Variants in CSMD1 observed in about 807,000 individuals in gnomAD.
The protein encoded by CSMD1 is CUB and Sushi multiple domains 1.
CSMD1 carries 213 observed loss-of-function variants against 417.5 expected under a neutral mutation model. The observed-to-expected ratio is 0.51, with a 90% confidence interval of 0.46 to 0.57. CSMD1 has a LOEUF of 0.57. Among genes scored for constraint, CSMD1 ranks in the 20% least tolerant of loss-of-function variants. The pLI is 0.00. For synonymous variants in CSMD1, 2,862 were observed against 1,736.8 expected, an observed-to-expected ratio of 1.65 and a Z score of -16.11; for missense variants, 6,923 against 4,529.7, an observed-to-expected ratio of 1.53 and a Z score of -15.17.
intron 10 of CSMD1, among the ~76,000 whole-genome samples, chr8:3,566,090 A>G (rs13260039): frequency 0.4 from 60,374 of 151,902 alleles, 12,269 homozygotes; most frequent in Middle Eastern, 0.48. Flanking sequence ...TTTAAAATAA[A>G]CAGAAAGGGA....
chr8:3,979,151 A>C (rs932549522), intron 5 of CSMD1, among the ~76,000 whole-genome samples: 1 of 152,220 alleles, frequency 6.6e-6, no homozygotes, highest in African/African-American at 2.4e-5. Flanking sequence ...GGCCCTGATC[A>C]CATTTTACAA....
At chr8:4,264,122 G>C (rs750803762) in intron 3 of CSMD1, among the ~76,000 whole-genome samples, 3 of 152,136 alleles carry the variant, frequency 2.0e-5, no homozygotes, top group Non-Finnish European at 4.4e-5. Flanking sequence ...AGTGACATTT[G>C]TAGGTAAAGA....
chr8:4,983,939 T>C (rs1314214164), intron 1 of CSMD1, among the ~76,000 whole-genome samples: 1 of 152,116 alleles, frequency 6.6e-6, no homozygotes, highest in Non-Finnish European at 1.5e-5. Context: ...AACTCCTCAA[T>C]GGCGAGAAAA....
chr8:4,994,763 G>A lies in CSMD1; in HGVS notation c.-347C>T, dbSNP rs1488574826. On this transcript the variant is annotated 5_prime_UTR_variant, in exon 1 of 70. Coordinates refer to ENST00000635120, the MANE Select transcript of CSMD1 (RefSeq NM_033225.6). ...GGGAGAGGAGCGCGCGCAGCCAGGAGAGACCTGGAGAGGAGGCAGCTGGAG... is the reference window on the plus strand; with the variant it reads ...GGGAGAGGAGCGCGCGCAGCCAGGAAAGACCTGGAGAGGAGGCAGCTGGAG... 1.6e-5 allele frequency: 4 copies of A among 257,312 alleles called. No individual in the cohort carries two copies. The highest frequency in any genetic ancestry group is 3.0e-5 in the Non-Finnish European group (4 of 135,428). The allele number at this position is 257,312 out of a possible 1,614,324, so 15.9% of individuals were successfully genotyped here. A position where few individuals can be genotyped will look rare whatever the true frequency, so the allele number is the denominator to read the frequency against.
chr8:4,178,190 T>A (rs574720665), intron 3 of CSMD1, among the ~76,000 whole-genome samples: 1 of 152,200 alleles, frequency 6.6e-6, no homozygotes, highest in Non-Finnish European at 1.5e-5. Flanking sequence ...AATACGATAC[T>A]GGCAGACCGA....
chr8:3,912,519 C>T (rs1808529699), intron 5 of CSMD1, among the ~76,000 whole-genome samples: 1 of 152,128 alleles, frequency 6.6e-6, no homozygotes, highest in Non-Finnish European at 1.5e-5. Context: ...AATGGAAATA[C>T]ATAACAGAGG....
At chr8:4,025,535 C>G (rs1797016070) in intron 4 of CSMD1, among the ~76,000 whole-genome samples, 1 of 152,188 alleles carries the variant, frequency 6.6e-6, no homozygotes, top group Non-Finnish European at 1.5e-5. Flanking sequence ...GCTGCTTCTT[C>G]TCTTTTTTCA....
intron 10 of CSMD1, among the ~76,000 whole-genome samples, chr8:3,506,098 A>C (rs1166375784): frequency 2.6e-5 from 4 of 152,278 alleles, no homozygotes; most frequent in African/African-American, 9.6e-5. Flanking sequence ...TCTCATAAGG[A>C]GGTGTCTCAT....
At chr8:4,589,363 A>G (rs1229119724) in intron 2 of CSMD1, among the ~76,000 whole-genome samples, 1 of 152,222 alleles carries the variant, frequency 6.6e-6, no homozygotes, top group Non-Finnish European at 1.5e-5. Flanking sequence ...TAACCATAAT[A>G]TCTCACTCTT....
At chr8:4,446,714 G>C (rs1798811694) in intron 2 of CSMD1, among the ~76,000 whole-genome samples, 1 of 145,008 alleles carries the variant, frequency 6.9e-6, no homozygotes, top group African/African-American at 2.8e-5. Flanking sequence ...CACCATGCCT[G>C]AGTTGTGTGT....
At chr8:3,804,221 T>C (rs1303213301) in intron 5 of CSMD1, among the ~76,000 whole-genome samples, 1 of 152,056 alleles carries the variant, frequency 6.6e-6, no homozygotes, top group Non-Finnish European at 1.5e-5. Context: ...TGTGAGCCAC[T>C]ACACCAAGCC....
chr8:4,014,737 G>T (rs897802913), intron 4 of CSMD1, among the ~76,000 whole-genome samples: 1 of 152,174 alleles, frequency 6.6e-6, no homozygotes, highest in Non-Finnish European at 1.5e-5. Flanking sequence ...CACTTCGCAT[G>T]ACTGCCCATC....
chr8:4,082,714 T>C (rs944133015), intron 3 of CSMD1, among the ~76,000 whole-genome samples: 4 of 151,200 alleles, frequency 2.6e-5, no homozygotes, highest in Non-Finnish European at 4.4e-5. Flanking sequence ...GCTGCACCCA[T>C]TAACTCGTCA....
intron 4 of CSMD1, among the ~76,000 whole-genome samples, chr8:4,018,805 T>C (rs1453766522): frequency 2.6e-5 from 4 of 152,196 alleles, no homozygotes; most frequent in Admixed American, 6.5e-5. Flanking sequence ...AATTCTGCCT[T>C]CCCCACATAC....
intron 1 of CSMD1, among the ~76,000 whole-genome samples, chr8:4,702,525 G>C (rs1168660460): frequency 6.6e-6 from 1 of 152,138 alleles, no homozygotes; most frequent in Admixed American, 6.5e-5. Context: ...ATATTTACCA[G>C]CTTAAAAAAT....
chr8:4,299,147 C>G (rs948278758), intron 3 of CSMD1, among the ~76,000 whole-genome samples: 3 of 152,032 alleles, frequency 2.0e-5, no homozygotes, highest in Admixed American at 1.3e-4. Context: ...CAAAACAGAT[C>G]GTGCTTTTCT....
chr8:3,034,518 C>T (rs996178688), intron 50 of CSMD1, among the ~76,000 whole-genome samples: 1 of 152,124 alleles, frequency 6.6e-6, no homozygotes, highest in South Asian at 2.1e-4. Context: ...TACAAACACA[C>T]ATTACATATA....
At chr8:3,439,304 T>TAC (rs1563390502) in intron 12 of CSMD1, among the ~76,000 whole-genome samples, 5 of 46,708 alleles carry the variant, frequency 1.1e-4, no homozygotes, top group African/African-American at 7.2e-4. Flanking sequence ...TATATATATA[T>TAC]ATATATTTTT....
intron 2 of CSMD1, among the ~76,000 whole-genome samples, chr8:4,616,637 T>C (rs1032723004): frequency 3.9e-5 from 6 of 152,192 alleles, no homozygotes; most frequent in African/African-American, 9.6e-5. Context: ...ACAGCTGACA[T>C]TGGACATGCC....
Sources: gnomAD v4.1 joint callset for allele counts (sites outside exome capture counted in the v4.1 genomes callset) on GRCh38, gnomAD v4.1.1 for gene constraint, MANE v1.5 for transcripts, NCBI Gene and HGNC (gene_info 2026-07-23, HGNC 2026-07-21) for gene names.